Variants in EIF3H observed in about 807,000 individuals in gnomAD.
The protein encoded by EIF3H is eukaryotic translation initiation factor 3 subunit H, also known as eIF-3-gamma.
A neutral mutation model predicts 44.2 loss-of-function variants in EIF3H; 26 were observed. The observed-to-expected ratio is 0.59, with a 90% CI of 0.43 to 0.82. EIF3H has a LOEUF of 0.82. Among genes scored for constraint, EIF3H ranks in the 40% least tolerant of loss-of-function variants. The pLI is 0.00. For missense variants in EIF3H, 359 were observed against 432.8 expected (o/e 0.83, Z 1.51); for synonymous variants, 166 against 151.9 (o/e 1.09, Z -0.68).
At chr8:116,745,642 A>G (rs1236139507) in intron 1 of EIF3H, among the ~76,000 whole-genome samples, 2 of 152,198 alleles carry the variant, frequency 1.3e-5, no homozygotes, top group Admixed American at 6.5e-5. Context: ...TAAAAACGGA[A>G]AAGTCTGGCC....
chr8:116,674,273 C>T (rs1813808456), intron 2 of EIF3H, among the ~76,000 whole-genome samples: 1 of 126,238 alleles, frequency 7.9e-6, no homozygotes, highest in African/African-American at 3.1e-5. Flanking sequence ...CAGATGCATC[C>T]CAATTTCATA....
intron 2 of EIF3H, among the ~76,000 whole-genome samples, chr8:116,684,741 C>A (rs1196371120): frequency 6.6e-6 from 1 of 152,114 alleles, no homozygotes. Context: ...ACATACACTA[C>A]AGGAAATATG....
chr8:116,743,376 A>T (rs1815161844), intron 1 of EIF3H, among the ~76,000 whole-genome samples: 1 of 152,110 alleles, frequency 6.6e-6, no homozygotes, highest in Non-Finnish European at 1.5e-5. Context: ...ACTCAAGCCC[A>T]GGAGTGGGAA....
chr8:116,672,943 C>T (rs564865832), intron 2 of EIF3H, among the ~76,000 whole-genome samples: 3 of 150,378 alleles, frequency 2.0e-5, no homozygotes, highest in African/African-American at 7.3e-5. Flanking sequence ...ATGAAATCCA[C>T]TGAGTCCAAG....
chr8:116,740,578 C>A (rs1337443625), intron 1 of EIF3H, among the ~76,000 whole-genome samples: 1 of 151,982 alleles, frequency 6.6e-6, no homozygotes, highest in East Asian at 1.9e-4. Context: ...GTGAGTAAGC[C>A]CAGATGAAAC....
At chr8:116,760,141 C>T (rs1480288867), upstream of EIF3H, among the ~76,000 whole-genome samples, 8 of 152,258 alleles carry the variant, frequency 5.3e-5, no homozygotes, top group African/African-American at 1.9e-4. Context: ...AGTTTCATTA[C>T]TTCATGACTC....
At chr8:116,721,444 G>A (rs533446507) in intron 2 of EIF3H, among the ~76,000 whole-genome samples, 18 of 152,354 alleles carry the variant, frequency 1.2e-4, no homozygotes, top group African/African-American at 3.8e-4. Flanking sequence ...GAAATGTGGG[G>A]TTGAAGCCCC....
chr8:116,713,415 T>C (rs1174739105), intron 2 of EIF3H, among the ~76,000 whole-genome samples: 2 of 152,104 alleles, frequency 1.3e-5, no homozygotes, highest in African/African-American at 4.8e-5. Context: ...AGTATATCCT[T>C]TCATGCACAA....
rs759559417 is a variant in EIF3H, at chr8:116,743,268, T to C, written c.132+12398A>G. Reference sequence around the variant, plus strand: ...GAGTTCAAAACCAGCCTGGTCAATATAGAGGCCCCATCTCTACAAAAGAAA... The same window carrying C: ...GAGTTCAAAACCAGCCTGGTCAATACAGAGGCCCCATCTCTACAAAAGAAA... On this transcript the variant is annotated intron_variant, in intron 1 of 7. Coordinates refer to ENST00000521861, the MANE Select transcript of EIF3H (RefSeq NM_003756.3). Among the ~76,000 whole-genome samples the C allele has an allele frequency of 7.9e-5, 12 of 151,736 alleles. No individual in the cohort carries two copies. In the East Asian group the frequency reaches 1.9e-3, roughly 25 times the overall value.
At chr8:116,704,643 G>A (rs1259048139) in intron 2 of EIF3H, among the ~76,000 whole-genome samples, 1 of 152,072 alleles carries the variant, frequency 6.6e-6, no homozygotes, top group Non-Finnish European at 1.5e-5. Flanking sequence ...AGATATCCTC[G>A]GCGTCAATAA....
intron 1 of EIF3H, among the ~76,000 whole-genome samples, chr8:116,743,751 C>CT (rs1491263508): frequency 2.9e-5 from 4 of 135,650 alleles, no homozygotes; most frequent in African/African-American, 1.0e-4. Flanking sequence ...GAGCGATACC[C>CT]TGTCTCAAAA....
intron 2 of EIF3H, among the ~76,000 whole-genome samples, chr8:116,661,252 AT>A (rs1190926476): frequency 6.6e-6 from 1 of 152,196 alleles, no homozygotes; most frequent in South Asian, 2.1e-4. Context: ...TTTGCTATTT[AT>A]TTTAAAGGGA....
At chr8:116,717,702 A>G (rs1012582466) in intron 2 of EIF3H, among the ~76,000 whole-genome samples, 1 of 152,198 alleles carries the variant, frequency 6.6e-6, no homozygotes, top group Admixed American at 6.5e-5. Flanking sequence ...CACATGCAGA[A>G]GAATGAAACT....
chr8:116,686,574 C>A (rs1247269829), intron 2 of EIF3H, among the ~76,000 whole-genome samples: 1 of 151,742 alleles, frequency 6.6e-6, no homozygotes, highest in Non-Finnish European at 1.5e-5. Context: ...GCTGACACAG[C>A]CAGCTAAATT....
chr8:116,756,465 T>C (rs1461309933), upstream of EIF3H, among the ~76,000 whole-genome samples: 1 of 152,218 alleles, frequency 6.6e-6, no homozygotes, highest in East Asian at 1.9e-4. Flanking sequence ...TATGACACAT[T>C]ACTCTGAAAT....
At chr8:116,697,290 A>G (rs1353691640) in intron 2 of EIF3H, 1 of 423,068 alleles carries the variant, frequency 2.4e-6, no homozygotes, top group African/African-American at 2.1e-5. Context: ...GGGTTTTCTT[A>G]AAGTGTAAAA....
chr8:116,644,842 GTTTTAT>G lies in EIF3H; in HGVS notation c.*158_*163del. ...CAAATGAGCAAGCAGTCAAGATTTT[GTTTTAT>G]TTTATTATGGCTAGAAAGACACTGT... On this transcript the variant is annotated 3_prime_UTR_variant, in exon 8 of 8. Coordinates refer to ENST00000521861, the MANE Select transcript of EIF3H (RefSeq NM_003756.3). The G allele has an allele frequency of 1.8e-6, 1 of 555,768 alleles. No homozygotes were observed. The highest frequency in any genetic ancestry group is 3.2e-6 in the Non-Finnish European group (1 of 311,752). 34.4% of individuals were successfully genotyped at this position (555,768 alleles called of 1,614,324 possible).
intron 1 of EIF3H, among the ~76,000 whole-genome samples, chr8:116,762,232 T>C (rs185673020): frequency 6.6e-6 from 1 of 152,374 alleles, no homozygotes; most frequent in East Asian, 1.9e-4. Flanking sequence ...TCATTTAGCA[T>C]TGAGTTTGGC....
Position 116,655,893 on chromosome 8 carries a change from C to T in EIF3H, c.670G>A (p.Val224Ile), listed in dbSNP as rs766220038. ...CTGAGCAATTCATGTTTATCTGCAA[C>T]AGCTGACTTCTTTTCAAGTTCCCAC... is the stretch of plus-strand genomic sequence containing the variant. Reference protein sequence around the residue: ...LMWELEKKSAVADKHELLSLA... With the variant: ...LMWELEKKSAIADKHELLSLA... Residue 224 changes from valine (V) to isoleucine (I), a missense_variant, in exon 5 of 8, where the codon GTT (valine) becomes ATT (isoleucine). By Grantham distance (29) the Val-to-Ile change is conservative (BLOSUM62 3). Coordinates refer to ENST00000521861, the MANE Select transcript of EIF3H (RefSeq NM_003756.3). 11 of 1,613,606 alleles carry T rather than the reference C, an allele frequency of 6.8e-6. No homozygotes were observed. In the South Asian group the frequency reaches 9.9e-5, roughly 14 times the overall value.
Sources: gnomAD v4.1 joint callset for allele counts (sites outside exome capture counted in the v4.1 genomes callset) on GRCh38, gnomAD v4.1.1 for gene constraint, MANE v1.5 for transcripts, NCBI Gene and HGNC (gene_info 2026-07-23, HGNC 2026-07-21) for gene names.